The following EYA2 variants were observed in gnomAD, a reference collection of about 807,000 sequenced individuals.
EYA2 encodes the protein EYA transcriptional coactivator and phosphatase 2.
Under a neutral mutation model 69.2 loss-of-function variants are expected in EYA2, and 31 were observed. That is an observed-to-expected ratio of 0.45 (90% CI 0.34 to 0.60). EYA2 has a LOEUF of 0.60. Among genes scored for constraint, EYA2 ranks in the 20% least tolerant of loss-of-function variants. The pLI is 0.02. For missense variants in EYA2, 622 were observed against 701.2 expected, an observed-to-expected ratio of 0.89 and a Z score of 1.28; for synonymous variants, 257 against 279.4, an observed-to-expected ratio of 0.92 and a Z score of 0.80.
At position 47,188,623 on chromosome 20, in the gene EYA2, T is replaced by G; in HGVS notation, c.*490T>G. The stretch of plus-strand genomic sequence containing the variant: ...AAGCACTCTATTCTCCAAGTTGTGC[T>G]TTGTGGGGACAATCATTCTTTGAAC... On this transcript the variant is annotated 3_prime_UTR_variant, in exon 16 of 16. Coordinates refer to ENST00000327619, the MANE Select transcript of EYA2 (RefSeq NM_005244.5). 1 of 367,416 alleles carries G rather than the reference T, an allele frequency of 2.7e-6. No homozygotes were observed. Among genetic ancestry groups the G allele is most frequent in the African/African-American group, 2.1e-5 (1 of 48,392 alleles). 22.8% of individuals were successfully genotyped at this position (367,416 alleles called of 1,614,324 possible).
At chr20:46,994,596 T>A (rs1981895247) in intron 2 of EYA2, among the ~76,000 whole-genome samples, 1 of 152,086 alleles carries the variant, frequency 6.6e-6, no homozygotes, top group Admixed American at 6.5e-5. Context: ...GGCTGACGGG[T>A]TTTGATTCAT....
Position 47,077,983 on chromosome 20 carries a change from G to A in EYA2, c.661+3648G>A, listed in dbSNP as rs146014143. ...AACCATCGAGTAGATGCCACTATCC[G>A]TCTATAATTCAATGGTGAACTGAAT... On this transcript the variant is annotated intron_variant, in intron 7 of 15. Transcript: ENST00000327619. Among the ~76,000 whole-genome samples, 149 of 152,230 alleles carry A rather than the reference G, an allele frequency of 9.8e-4. 2 individuals are homozygous for A. The highest frequency in any genetic ancestry group is 1.5e-3 in the African/African-American group (64 of 41,532).
intron 7 of EYA2, among the ~76,000 whole-genome samples, chr20:47,077,303 G>GATTC (rs2031552321): frequency 1.3e-5 from 2 of 152,240 alleles, no homozygotes; most frequent in African/African-American, 4.8e-5. Flanking sequence ...CCAGCCTGTG[G>GATTC]ATTCATTCAT....
At chr20:47,130,268 T>TTTTTTTTTTG (rs2033308312) in intron 9 of EYA2, among the ~76,000 whole-genome samples, 1 of 119,940 alleles carries the variant, frequency 8.3e-6, no homozygotes, top group Non-Finnish European at 1.7e-5. Flanking sequence ...TTTCTTTTTT[T>TTTTTTTTTTG]TTTTTTTTTT....
At chr20:47,156,089 TACAC>T (rs748282079) in intron 10 of EYA2, among the ~76,000 whole-genome samples, 579 of 30,772 alleles carry the variant, frequency 0.019, 13 homozygotes, top group Non-Finnish European at 0.024. Flanking sequence ...TATATATACA[TACAC>T]ACACACACAC....
At chr20:47,120,368 C>G (rs1195760527) in intron 9 of EYA2, among the ~76,000 whole-genome samples, 1 of 151,612 alleles carries the variant, frequency 6.6e-6, no homozygotes, top group Non-Finnish European at 1.5e-5. Flanking sequence ...AGAGTGAGAC[C>G]CCATCTCAAA....
intron 10 of EYA2, among the ~76,000 whole-genome samples, chr20:47,151,128 T>C (rs2033814462): frequency 6.6e-6 from 1 of 151,972 alleles, no homozygotes; most frequent in Non-Finnish European, 1.5e-5. Context: ...CCCAGCACTT[T>C]GGAAGGTCGA....
chr20:46,999,107 A>G (rs1038145764), intron 2 of EYA2, among the ~76,000 whole-genome samples: 1 of 152,218 alleles, frequency 6.6e-6, no homozygotes. Flanking sequence ...CTTGCCTCCA[A>G]TTTATGGAAT....
chr20:46,974,122 G>A (rs1980306421), intron 1 of EYA2, among the ~76,000 whole-genome samples: 1 of 152,016 alleles, frequency 6.6e-6, no homozygotes, highest in Non-Finnish European at 1.5e-5. Flanking sequence ...GTTCTATAGG[G>A]GCTATTGGGA....
intron 1 of EYA2, among the ~76,000 whole-genome samples, chr20:46,895,408 A>G (rs931677394): frequency 6.6e-6 from 1 of 152,218 alleles, no homozygotes; most frequent in Non-Finnish European, 1.5e-5. Context: ...GGTAGTGTTT[A>G]TGGGATAACC....
chr20:47,041,698 G>A (rs1985078645), intron 5 of EYA2, among the ~76,000 whole-genome samples: 1 of 152,158 alleles, frequency 6.6e-6, no homozygotes, highest in South Asian at 2.1e-4. Context: ...ATCAATTAGT[G>A]ATGCCTGCCA....
intron 1 of EYA2, among the ~76,000 whole-genome samples, chr20:46,936,759 G>A (rs937183022): frequency 1.3e-5 from 2 of 152,148 alleles, no homozygotes; most frequent in Admixed American, 1.3e-4. Flanking sequence ...GACCGGAGGG[G>A]TGTCCCGTCC....
chr20:46,992,986 AAGG>A (rs1981780448), intron 2 of EYA2, among the ~76,000 whole-genome samples: 1 of 151,996 alleles, frequency 6.6e-6, no homozygotes, highest in South Asian at 2.1e-4. Context: ...GTCCTACTCA[AAGG>A]AGGACCCCCA....
intron 10 of EYA2, among the ~76,000 whole-genome samples, chr20:47,143,799 C>T (rs746650653): frequency 1.3e-5 from 2 of 152,024 alleles, no homozygotes; most frequent in South Asian, 4.1e-4. Flanking sequence ...CAAAGGCAAG[C>T]GGAAGCAAAG....
chr20:47,038,041 G>T (rs1984818760), intron 5 of EYA2, among the ~76,000 whole-genome samples: 1 of 152,120 alleles, frequency 6.6e-6, no homozygotes, highest in Admixed American at 6.5e-5. Context: ...TGCCCTTGCA[G>T]GGTTTACATT....
intron 9 of EYA2, among the ~76,000 whole-genome samples, chr20:47,114,923 T>A (rs1198612259): frequency 6.6e-6 from 1 of 152,202 alleles, no homozygotes; most frequent in Non-Finnish European, 1.5e-5. Context: ...CTGCCATGAA[T>A]AAAAGCTCCC....
rs546014141 is a variant in EYA2 at position 47,043,238 on chromosome 20, C to A, written c.415+26941C>A. On this transcript the variant is annotated intron_variant, in intron 5 of 15. Coordinates refer to ENST00000327619, the MANE Select transcript of EYA2 (RefSeq NM_005244.5). ...TTGAGGCCACTTTTGTTTTTATTGGCAAACTTATTCCAGGGGAATGAGAGT... is the reference window on the plus strand; with the variant it reads ...TTGAGGCCACTTTTGTTTTTATTGGAAAACTTATTCCAGGGGAATGAGAGT... Among the ~76,000 whole-genome samples the A allele has an allele frequency of 2.6e-5, 4 of 152,264 alleles. No homozygotes were observed. The East Asian group carries it at 7.7e-4, about 29-fold the overall frequency.
chr20:47,018,956 G>A (rs1001838410), intron 5 of EYA2, among the ~76,000 whole-genome samples: 2 of 152,070 alleles, frequency 1.3e-5, no homozygotes, highest in African/African-American at 2.4e-5. Flanking sequence ...ATAAACATGC[G>A]GCTTAATCTC....
At chr20:46,941,815 G>GTAGC (rs1986166508) in intron 1 of EYA2, among the ~76,000 whole-genome samples, 1 of 151,970 alleles carries the variant, frequency 6.6e-6, no homozygotes, top group African/African-American at 2.4e-5. Flanking sequence ...CTGGAGTGCA[G>GTAGC]TGGTGCCATT....
Sources: gnomAD v4.1 joint callset for allele counts (sites outside exome capture counted in the v4.1 genomes callset) on GRCh38, gnomAD v4.1.1 for gene constraint, MANE v1.5 for transcripts, NCBI Gene and HGNC (gene_info 2026-07-23, HGNC 2026-07-21) for gene names.